The following ZBTB20 variants were observed in gnomAD, a reference collection of about 807,000 sequenced individuals.
ZBTB20 encodes the protein zinc finger and BTB domain-containing protein 20.
In ZBTB20, 9 loss-of-function variants were observed where a neutral mutation model predicts 56.9. That is an observed-to-expected ratio of 0.16 (90% CI 0.10 to 0.28). The LOEUF (loss-of-function observed/expected upper bound fraction) is 0.28, where lower values mean the gene tolerates loss of function less well. Ranked by LOEUF, ZBTB20 falls within the 10% of genes least tolerant of loss-of-function variation. The probability of loss-of-function intolerance (pLI) is 1.00; values close to 1 mark genes in which losing one functional copy is unlikely to be tolerated. For synonymous variants in ZBTB20, 417 were observed against 420.7 expected, an observed-to-expected ratio of 0.99 and a Z score of 0.11; for missense variants, 655 against 1,003.0, an observed-to-expected ratio of 0.65 and a Z score of 4.69.
chr3:114,556,699 C>G (rs2684294), intron 6 of ZBTB20, among the ~76,000 whole-genome samples: 5 of 151,866 alleles, frequency 3.3e-5, no homozygotes, highest in African/African-American at 1.2e-4. Context: ...TTATGCCAAC[C>G]TAACTATACT....
intron 6 of ZBTB20, among the ~76,000 whole-genome samples, chr3:114,533,728 C>T (rs1376462896): frequency 6.6e-6 from 1 of 152,130 alleles, no homozygotes; most frequent in African/African-American, 2.4e-5. Context: ...ATGTTAAGGG[C>T]AGCCAGAGAG....
chr3:114,562,703 C>T (rs1204383298), intron 6 of ZBTB20, among the ~76,000 whole-genome samples: 1 of 152,130 alleles, frequency 6.6e-6, no homozygotes, highest in Non-Finnish European at 1.5e-5. Flanking sequence ...GTGACTGTTC[C>T]TTTCACTTGA....
At chr3:114,440,468 T>C (rs1234688990) in intron 7 of ZBTB20, among the ~76,000 whole-genome samples, 1 of 152,140 alleles carries the variant, frequency 6.6e-6, no homozygotes, top group East Asian at 1.9e-4. Context: ...GAAAAAAATT[T>C]CACTATTTCT....
At position 114,881,949 on chromosome 3, in the gene ZBTB20, T is replaced by C. The variant is rs891602243; in HGVS notation, c.-417+18355A>G. On this transcript the variant is annotated intron_variant, in intron 4 of 11. Coordinates refer to ENST00000675478, the MANE Select transcript of ZBTB20 (RefSeq NM_001348800.3). ...AATTTTTCTGGTGTAAGAAGTTTTCTAAGCCATAAAGGAAATTATTGAAAA... is the reference window on the plus strand; with the variant it reads ...AATTTTTCTGGTGTAAGAAGTTTTCCAAGCCATAAAGGAAATTATTGAAAA... 1.4e-4 allele frequency among the ~76,000 whole-genome samples: 22 copies of C among 151,850 alleles called. No individual in the cohort carries two copies. In the East Asian group the frequency reaches 4.0e-3, roughly 28 times the overall value.
intron 3 of ZBTB20, among the ~76,000 whole-genome samples, chr3:114,971,045 G>T (rs1219233860): frequency 6.6e-6 from 1 of 151,872 alleles, no homozygotes; most frequent in African/African-American, 2.4e-5. Flanking sequence ...AATTTCCAAA[G>T]GTGCTACCAA....
At chr3:114,387,357 T>C (rs762843398) in intron 8 of ZBTB20, 4 of 152,198 alleles carry the variant, frequency 2.6e-5, no homozygotes, top group African/African-American at 7.2e-5. Context: ...CTTTTATGCA[T>C]TGGAAAGCCA....
chr3:115,036,528 C>T (rs775421533), intron 2 of ZBTB20, among the ~76,000 whole-genome samples: 1 of 152,148 alleles, frequency 6.6e-6, no homozygotes, highest in African/African-American at 2.4e-5. Flanking sequence ...GATTCTCCTG[C>T]CTCAGCCTCC....
At chr3:114,473,829 T>A (rs2040427801) in intron 7 of ZBTB20, among the ~76,000 whole-genome samples, 1 of 152,202 alleles carries the variant, frequency 6.6e-6, no homozygotes, top group Non-Finnish European at 1.5e-5. Context: ...TGATGAGGAA[T>A]CTGAGACCCA....
chr3:114,450,588 G>GTCATCT (rs2091544522), intron 7 of ZBTB20, among the ~76,000 whole-genome samples: 2 of 152,000 alleles, frequency 1.3e-5, no homozygotes, highest in African/African-American at 4.8e-5. Context: ...AAAAACTATG[G>GTCATCT]GTTTAAAGAA....
At chr3:114,897,667 T>TA in intron 4 of ZBTB20, among the ~76,000 whole-genome samples, 1 of 152,100 alleles carries the variant, frequency 6.6e-6, no homozygotes, top group Non-Finnish European at 1.5e-5. Flanking sequence ...AACAGAGAGA[T>TA]AGAGTTCAAT....
intron 3 of ZBTB20, among the ~76,000 whole-genome samples, chr3:114,930,284 G>A (rs1328796158): frequency 2.0e-5 from 3 of 151,512 alleles, no homozygotes; most frequent in African/African-American, 2.4e-5. Flanking sequence ...AGAAAGACGA[G>A]GTACCTTATA....
Position 114,466,383 on chromosome 3 carries a change from A to G in ZBTB20, c.-255+33969T>C, listed in dbSNP as rs139585127. On this transcript the variant is annotated intron_variant, in intron 7 of 11. Coordinates refer to ENST00000675478, the MANE Select transcript of ZBTB20 (RefSeq NM_001348800.3). ...CACAACTAATAAGTGGCACAGTCCA[A>G]GTTCCTATCTGTGATCCTGTCTTTT... 2.0e-5 allele frequency among the ~76,000 whole-genome samples: 3 copies of G among 152,328 alleles called. No individual in the cohort carries two copies. In the East Asian group the frequency reaches 5.8e-4, roughly 29 times the overall value.
At chr3:114,861,980 A>G (rs2075555910) in intron 4 of ZBTB20, among the ~76,000 whole-genome samples, 1 of 152,208 alleles carries the variant, frequency 6.6e-6, no homozygotes, top group African/African-American at 2.4e-5. Flanking sequence ...ATTTTATATC[A>G]CATAATAACA....
Position 114,696,884 on chromosome 3 carries a change from T to G in ZBTB20, c.-342-3309A>C, listed in dbSNP as rs550622328. On this transcript the variant is annotated intron_variant, in intron 5 of 11. Transcript: ENST00000675478. The stretch of plus-strand genomic sequence containing the variant: ...GAAGGCAGTACAGTGAAACCAAAGG[T>G]GTTCCAGGGAGAAATGTGACAGAAA... 8.0e-4 allele frequency among the ~76,000 whole-genome samples: 121 copies of G among 151,962 alleles called. No homozygotes were observed. In the Middle Eastern group the frequency reaches 0.01, roughly 13 times the overall value.
chr3:114,727,572 A>C (rs1159665415), intron 5 of ZBTB20, among the ~76,000 whole-genome samples: 2 of 152,236 alleles, frequency 1.3e-5, no homozygotes, highest in Non-Finnish European at 2.9e-5. Flanking sequence ...ATCATTTAAA[A>C]GGCAGAAAGA....
chr3:114,432,698 A>C (rs778659726), intron 7 of ZBTB20, among the ~76,000 whole-genome samples: 5 of 152,190 alleles, frequency 3.3e-5, no homozygotes. Flanking sequence ...GGAAGAACCA[A>C]AGGAAAACTG....
At chr3:115,021,143 T>C (rs1249993374) in intron 2 of ZBTB20, among the ~76,000 whole-genome samples, 1 of 150,992 alleles carries the variant, frequency 6.6e-6, no homozygotes, top group East Asian at 1.9e-4. Context: ...CTCATATTTT[T>C]GGAATGCCAT....
At chr3:114,502,662 G>A (rs1010542896) in intron 6 of ZBTB20, 3 of 152,082 alleles carry the variant, frequency 2.0e-5, no homozygotes. Context: ...AGATTTTAAA[G>A]CTCTAAGTTT....
At chr3:114,908,461 C>T (rs2075401601) in intron 3 of ZBTB20, among the ~76,000 whole-genome samples, 1 of 151,978 alleles carries the variant, frequency 6.6e-6, no homozygotes, top group Admixed American at 6.6e-5. Context: ...ACTGTAATCA[C>T]TGAGAATGGC....
Sources: gnomAD v4.1 joint callset for allele counts (sites outside exome capture counted in the v4.1 genomes callset) on GRCh38, gnomAD v4.1.1 for gene constraint, MANE v1.5 for transcripts, NCBI Gene and HGNC (gene_info 2026-07-23, HGNC 2026-07-21) for gene names.